MYH14: variants seen among roughly 807,000 people sequenced by gnomAD.
MYH14 encodes myosin-14.
MYH14 carries 123 observed loss-of-function variants against 255.5 expected under a neutral mutation model. That is an observed-to-expected ratio of 0.48 (90% confidence interval 0.42 to 0.56). MYH14 has a LOEUF of 0.56. MYH14 is among the 20% of genes least tolerant of loss of function. The pLI is 0.00. For missense variants in MYH14, 2,423 were observed against 2,802.3 expected, an observed-to-expected ratio of 0.86 and a Z score of 3.06; for synonymous variants, 1,095 against 1,161.2, an observed-to-expected ratio of 0.94 and a Z score of 1.16.
At chr19:50,239,866 A>C (rs1191755424) in intron 10 of MYH14, among the ~76,000 whole-genome samples, 1 of 152,154 alleles carries the variant, frequency 6.6e-6, no homozygotes, top group African/African-American at 2.4e-5. Flanking sequence ...CCTTTTTCTA[A>C]GCCACCTTTG....
rs780009816 is a variant in MYH14, at chr19:50,276,147, G to C, written c.3624G>C (p.Ala1208=). 1.3e-6 allele frequency: 2 copies of C among 1,574,028 alleles called. No individual in the cohort carries two copies. Among genetic ancestry groups the C allele is most frequent in the South Asian group, 2.3e-5 (2 of 86,012 alleles). ...GGGACCTGGGCGAGGAGCTGGAGGC[G>C]CTGCGGGGCGAGCTGGAGGACACGC... ...QRRDLGEELE[A]LRGELEDTLD... The change falls in exon 28 of 43, where the codon GCG becomes GCC. Residue 1208 remains alanine (A), a synonymous_variant. Transcript: ENST00000642316. The surrounding 1 kb of genome is among the most constrained non-coding windows in gnomAD (Gnocchi z 4.3).
intron 39 of MYH14, among the ~76,000 whole-genome samples, chr19:50,296,686 T>C (rs912459537): frequency 6.6e-6 from 1 of 152,172 alleles, no homozygotes; most frequent in African/African-American, 2.4e-5. Context: ...GAGCAGGCAA[T>C]GAACAAGAGT....
At position 50,223,358 on chromosome 19, in the gene MYH14, C is replaced by A. The variant is rs1426504897; in HGVS notation, c.693+9C>A. On this transcript the variant is annotated intron_variant, in intron 5 of 42. Transcript: ENST00000642316. Reference sequence around the variant, plus strand: ...AGGAGCCGGGTGTCCCCGTAAGCAACCCCGCCTTGGGTCACCCCCGGGCCC... The same window carrying A: ...AGGAGCCGGGTGTCCCCGTAAGCAAACCCGCCTTGGGTCACCCCCGGGCCC... 1 of 1,554,322 alleles carries A rather than the reference C, an allele frequency of 6.4e-7. No individual in the cohort carries two copies. Among genetic ancestry groups the A allele is most frequent in the Admixed American group, 1.9e-5 (1 of 51,730 alleles).
At chr19:50,260,160 C>T (rs1241027391) in intron 19 of MYH14, among the ~76,000 whole-genome samples, 1 of 152,210 alleles carries the variant, frequency 6.6e-6, no homozygotes, top group Non-Finnish European at 1.5e-5. Context: ...GGCACTGTGG[C>T]TCATGCCTGT....
Position 50,230,773 on chromosome 19 carries a change from G to C in MYH14, c.973+150G>C. 1 of 656,214 alleles carries C rather than the reference G, an allele frequency of 1.5e-6. No homozygotes were observed. The highest frequency in any genetic ancestry group is 2.7e-6 in the Non-Finnish European group (1 of 376,528). 40.6% of individuals were successfully genotyped at this position (656,214 alleles called of 1,614,324 possible). A position where few individuals can be genotyped will look rare whatever the true frequency, so the allele number is the denominator to read the frequency against. On this transcript the variant is annotated intron_variant, in intron 9 of 42. Transcript: ENST00000642316. This position sits in a 1 kb window ranked among gnomAD's most constrained non-coding sequence, Gnocchi z 4.7. ...TGAGGCTCCCGCAGCCCCTGCTCTC[G>C]CTGCGTAGTGGCGTCTGTCGCACGG...
At position 50,293,239 on chromosome 19, in the gene MYH14, G is replaced by A. The variant is rs769584790; in HGVS notation, c.5263G>A (p.Ala1755Thr). 2 of 1,603,862 alleles carry A rather than the reference G, an allele frequency of 1.2e-6. No individual in the cohort carries two copies. The highest frequency in any genetic ancestry group is 1.1e-5 in the South Asian group (1 of 88,958). ...CACCCCTCCATCATCACAGGAACTGGCCGCCTCGGACCGTGCTCGGCGGCA... is the reference window on the plus strand; with the variant it reads ...CACCCCTCCATCATCACAGGAACTGACCGCCTCGGACCGTGCTCGGCGGCA... ...AEVLRLQEEL[A>T]ASDRARRQAQ... Residue 1755 changes from alanine to threonine, a missense_variant, in exon 38 of 43, where the codon GCC becomes ACC. Transcript: ENST00000642316. This position sits in a 1 kb window ranked among gnomAD's most constrained non-coding sequence, Gnocchi z 4.1.
At chr19:50,257,111 C>T (rs1248673153) in intron 17 of MYH14, among the ~76,000 whole-genome samples, 188 bp from the exon 18 acceptor site, 2 of 152,230 alleles carry the variant, frequency 1.3e-5, no homozygotes, top group African/African-American at 4.8e-5. Flanking sequence ...TAAGCACATT[C>T]TCCCACTCTT....
At position 50,266,802 on chromosome 19, in the gene MYH14, A is replaced by C. The variant is rs2035096999; in HGVS notation, c.2695-75A>C. The C allele has an allele frequency of 2.6e-6, 4 of 1,536,646 alleles. No homozygotes were observed. Among genetic ancestry groups the C allele is most frequent in the Non-Finnish European group, 3.5e-6 (4 of 1,135,022 alleles). ...TGGAGGAGAAGGGATTTGAACCCAG[A>C]AACTCAAACCCCACTAAGAGTGTGA... On this transcript the variant is annotated intron_variant, in intron 22 of 42. Coordinates refer to ENST00000642316, the MANE Select transcript of MYH14 (RefSeq NM_001145809.2). This position sits in a 1 kb window ranked among gnomAD's most constrained non-coding sequence, Gnocchi z 4.1.
chr19:50,209,776 T>C (rs955661036), intron 1 of MYH14, among the ~76,000 whole-genome samples: 2 of 102,526 alleles, frequency 2.0e-5, no homozygotes, highest in Non-Finnish European at 3.7e-5. Context: ...ACAGTGAGAC[T>C]CCATCTCAAA....
At position 50,266,540 on chromosome 19, in the gene MYH14, G is replaced by A. The variant is rs1380818591; in HGVS notation, c.2695-337G>A. Among the ~76,000 whole-genome samples, 1 of 152,094 alleles carries A rather than the reference G, an allele frequency of 6.6e-6. No individual in the cohort carries two copies. Among genetic ancestry groups the A allele is most frequent in the Non-Finnish European group, 1.5e-5 (1 of 68,010 alleles). ...CACCACTGCACTCCAGCCTGGGCGA[G>A]AGAGCAAGACTCTGTCGAAAGGAAG... On this transcript the variant is annotated intron_variant, in intron 22 of 42. Transcript: ENST00000642316. The surrounding 1 kb of genome is among the most constrained non-coding windows in gnomAD (Gnocchi z 4.1).
chr19:50,212,248 A>C (rs1187484754), intron 2 of MYH14, among the ~76,000 whole-genome samples: 9 of 152,196 alleles, frequency 5.9e-5, no homozygotes, highest in Non-Finnish European at 1.0e-4. Flanking sequence ...TGACATGAAC[A>C]TTGGTATTTT....
chr19:50,208,989 C>A (rs2123148487), intron 1 of MYH14, among the ~76,000 whole-genome samples: 1 of 151,946 alleles, frequency 6.6e-6, no homozygotes, highest in South Asian at 2.1e-4. Flanking sequence ...CCTGTCTCTA[C>A]AAAACAAATT....
At chr19:50,307,244 C>G (rs2036684723) in intron 41 of MYH14, 87 bp downstream of exon 41, 1 of 791,528 alleles carries the variant, frequency 1.3e-6, no homozygotes, top group Non-Finnish European at 2.1e-6. Context: ...GCAATGAGCT[C>G]CCATCACAAG....
At position 50,226,936 on chromosome 19, in the gene MYH14, G is replaced by A. The variant is rs1211069798; in HGVS notation, c.844G>A (p.Gly282Arg). The A allele has an allele frequency of 5.6e-6, 9 of 1,613,700 alleles. No individual in the cohort carries two copies. The highest frequency in any genetic ancestry group is 2.2e-5 in the East Asian group (1 of 44,896). ...KFIRINFDVA[G>R]YIVGANIETY... is the part of the protein sequence containing the mutation. ...CATCCGCATCAACTTTGATGTTGCC[G>A]GGTACATCGTGGGCGCCAACATTGA... The change falls in exon 8 of 43, where the codon GGG becomes AGG. Residue 282 changes from glycine to arginine, a missense_variant. Physicochemically the swap from Gly to Arg is moderately radical, Grantham distance 125 (BLOSUM62 -2). Around this residue, in one of 3 missense-constraint regions of MYH14, gnomAD observed 672 missense variants for 881.8 expected, o/e 0.76. Transcript: ENST00000642316.
chr19:50,292,888 AG>A (rs1244592195), intron 37 of MYH14, among the ~76,000 whole-genome samples: 1 of 148,330 alleles, frequency 6.7e-6, no homozygotes, highest in Admixed American at 6.7e-5. Context: ...AGGAGGGAGA[AG>A]GCTATGGTGA....
chr19:50,295,994 C>T (rs2036252706), intron 39 of MYH14, among the ~76,000 whole-genome samples: 1 of 151,580 alleles, frequency 6.6e-6, no homozygotes, highest in African/African-American at 2.4e-5. Flanking sequence ...ACCTGTAGTC[C>T]AGCTACTCGG....
chr19:50,304,210 C>T (rs1568559425), intron 40 of MYH14, among the ~76,000 whole-genome samples: 1 of 152,174 alleles, frequency 6.6e-6, no homozygotes, highest in Non-Finnish European at 1.5e-5. Context: ...CACATTATCT[C>T]ATGGGGAGGA....
chr19:50,256,650 A>G (rs2034602073), intron 17 of MYH14, among the ~76,000 whole-genome samples: 1 of 152,248 alleles, frequency 6.6e-6, no homozygotes, highest in African/African-American at 2.4e-5. Flanking sequence ...CTGAGATTAC[A>G]GGCATGAGCC....
chr19:50,230,867 A>G lies in MYH14; in HGVS notation c.973+244A>G. 2.0e-6 allele frequency: 1 copy of G among 500,536 alleles called. No individual in the cohort carries two copies. Among genetic ancestry groups the G allele is most frequent in the Non-Finnish European group, 3.6e-6 (1 of 277,794 alleles). The allele number at this position is 500,536 out of a possible 1,614,324, so 31.0% of individuals were successfully genotyped here. On this transcript the variant is annotated intron_variant, in intron 9 of 42. Transcript: ENST00000642316. This position sits in a 1 kb window ranked among gnomAD's most constrained non-coding sequence, Gnocchi z 4.7. ...CTCGCGCCCGCTGTCACGGCCACGCAGCCCCCGCCGCCTGGTGGCTCCTGC... is the reference window on the plus strand; with the variant it reads ...CTCGCGCCCGCTGTCACGGCCACGCGGCCCCCGCCGCCTGGTGGCTCCTGC...
Sources: gnomAD v4.1 joint callset for allele counts (sites outside exome capture counted in the v4.1 genomes callset) on GRCh38, gnomAD v4.1.1 for gene constraint, gnomAD v4.1.1 regional missense constraint, Gnocchi (gnomAD v3.1) non-coding constraint, MANE v1.5 for transcripts, NCBI Gene and HGNC (gene_info 2026-07-23, HGNC 2026-07-21) for gene names.